TENM1: variants seen among roughly 807,000 people sequenced by gnomAD.
TENM1 encodes teneurin transmembrane protein 1.
In TENM1, 35 loss-of-function variants were observed where a neutral mutation model predicts 174.8. The observed-to-expected ratio is 0.20, with a 90% CI of 0.15 to 0.27. The LOEUF is 0.27. TENM1 is among the 10% of genes least tolerant of loss of function. The pLI, the probability that TENM1 is intolerant of heterozygous loss-of-function variation, is 1.00. For missense variants in TENM1, 1,633 were observed against 2,130.1 expected, an observed-to-expected ratio of 0.77 and a Z score of 4.59; for synonymous variants, 781 against 798.7, an observed-to-expected ratio of 0.98 and a Z score of 0.37.
At chrX:124,759,283 T>G (rs1328117942) in intron 3 of TENM1, among the ~76,000 whole-genome samples, 1 of 111,500 alleles carries the variant, frequency 9.0e-6, no homozygotes, top group Non-Finnish European at 1.9e-5. Flanking sequence ...ATTGTAGTGT[T>G]CTTAATAACG....
chrX:125,067,363 G>T, the TENM1 span, among the ~76,000 whole-genome samples: 1 of 110,947 alleles, frequency 9.0e-6, no homozygotes, highest in South Asian at 3.8e-4. Context: ...TGCTCAAATA[G>T]TTTTCACTTT....
the TENM1 span, among the ~76,000 whole-genome samples, chrX:124,998,820 G>A: frequency 9.0e-6 from 1 of 111,336 alleles, no homozygotes; most frequent in Non-Finnish European, 1.9e-5. Context: ...CAATGAATAA[G>A]GATCATCTTT....
At chrX:124,532,567 T>G (rs1035115004) in intron 15 of TENM1, among the ~76,000 whole-genome samples, 2 of 111,682 alleles carry the variant, frequency 1.8e-5, no homozygotes, top group Non-Finnish European at 1.9e-5. Flanking sequence ...TGATAATGAC[T>G]CATCAAAGTC....
At chrX:124,661,616 T>C (rs766401808) in intron 6 of TENM1, among the ~76,000 whole-genome samples, 1 of 112,085 alleles carries the variant, frequency 8.9e-6, no homozygotes, top group African/African-American at 3.2e-5. Context: ...GCAGGATGGC[T>C]GATTATAGCT....
At position 124,641,096 on chromosome X, in the gene TENM1, GA is replaced by G. The variant is rs761974607; in HGVS notation, c.2077+694del. Among the ~76,000 whole-genome samples, 41 of 111,341 alleles carry G rather than the reference GA, an allele frequency of 3.7e-4. No homozygotes were observed. In the East Asian group the frequency reaches 0.011, roughly 31 times the overall value. On this transcript the variant is annotated intron_variant, in intron 11 of 31. Coordinates refer to ENST00000422452, the Ensembl canonical transcript of TENM1. The stretch of plus-strand genomic sequence containing the variant: ...TGGAAGTACAATAGCATCTCATGAA[GA>G]GGAAAAGGCATGGAGAAAAGCATAA...
At chrX:124,536,488 A>G (rs1382434872) in intron 15 of TENM1, among the ~76,000 whole-genome samples, 1 of 110,828 alleles carries the variant, frequency 9.0e-6, no homozygotes, top group Non-Finnish European at 1.9e-5. Context: ...AAGCAGAATT[A>G]TTTTCCTCAT....
intron 16 of TENM1, among the ~76,000 whole-genome samples, chrX:124,528,743 G>A (rs1486526027): frequency 9.1e-6 from 1 of 110,286 alleles, no homozygotes; most frequent in Non-Finnish European, 1.9e-5. Flanking sequence ...GTTCTGCTGA[G>A]CTTGTTATAA....
At chrX:124,993,289 A>G in the TENM1 span, among the ~76,000 whole-genome samples, 1 of 111,342 alleles carries the variant, frequency 9.0e-6, no homozygotes, top group East Asian at 2.8e-4. Flanking sequence ...AGTATTTTAT[A>G]AGAATGAATT....
chrX:125,158,274 A>T, the TENM1 span, among the ~76,000 whole-genome samples: 1 of 108,183 alleles, frequency 9.2e-6, no homozygotes, highest in Non-Finnish European at 1.9e-5. Flanking sequence ...ATGGTGGTGC[A>T]TGCCTGTAGT....
At chrX:125,117,968 A>C in the TENM1 span, among the ~76,000 whole-genome samples, 1 of 111,821 alleles carries the variant, frequency 8.9e-6, no homozygotes, top group African/African-American at 3.2e-5. Flanking sequence ...AATTAACCTA[A>C]GTGTCCATCA....
intron 3 of TENM1, among the ~76,000 whole-genome samples, chrX:124,800,113 T>A (rs1382091173): frequency 8.9e-6 from 1 of 111,937 alleles, no homozygotes; most frequent in Non-Finnish European, 1.9e-5. Context: ...GATGCTGGCC[T>A]CATAAAATGA....
At chrX:124,638,165 T>C (rs1255782482) in intron 11 of TENM1, among the ~76,000 whole-genome samples, 1 of 110,945 alleles carries the variant, frequency 9.0e-6, no homozygotes, top group African/African-American at 3.3e-5. Flanking sequence ...GGGTACTTCA[T>C]CTGGAAGAGA....
At chrX:124,957,522 T>C (rs1334561858) in intron 1 of TENM1, among the ~76,000 whole-genome samples, 1 of 100,048 alleles carries the variant, frequency 1.0e-5, no homozygotes, top group East Asian at 3.1e-4. Flanking sequence ...AGGCGGAGTT[T>C]GCAGTGAGCC....
chrX:124,989,479 A>T, the TENM1 span, among the ~76,000 whole-genome samples: 1 of 111,363 alleles, frequency 9.0e-6, no homozygotes, highest in Non-Finnish European at 1.9e-5. Context: ...TCCTAATAAA[A>T]ATTACAGAAT....
chrX:124,998,265 T>C, the TENM1 span, among the ~76,000 whole-genome samples: 1 of 109,686 alleles, frequency 9.1e-6, no homozygotes, highest in Non-Finnish European at 1.9e-5. Context: ...TAATAGAATA[T>C]ATGCATTGAA....
At chrX:124,735,709 G>C (rs1414997661) in intron 4 of TENM1, among the ~76,000 whole-genome samples, 1 of 111,565 alleles carries the variant, frequency 9.0e-6, no homozygotes, top group Non-Finnish European at 1.9e-5. Flanking sequence ...TGAATAATTG[G>C]ATGAAGAAAA....
the TENM1 span, among the ~76,000 whole-genome samples, chrX:125,092,210 A>G: frequency 9.0e-6 from 1 of 111,225 alleles, no homozygotes; most frequent in African/African-American, 3.3e-5. Context: ...AGAATGTGAC[A>G]ACTCAAAGAA....
intron 23 of TENM1, among the ~76,000 whole-genome samples, chrX:124,423,479 C>T (rs1022020830): frequency 1.8e-5 from 2 of 111,286 alleles, no homozygotes; most frequent in Non-Finnish European, 3.8e-5. Flanking sequence ...ATAGTAGAGC[C>T]CTCAGAGGAA....
chrX:124,955,824 C>A (rs1219150260), intron 1 of TENM1, among the ~76,000 whole-genome samples: 1 of 109,950 alleles, frequency 9.1e-6, no homozygotes, highest in Non-Finnish European at 1.9e-5. Context: ...CACACACACA[C>A]ACAGACACCA....
Sources: allele counts gnomAD v4.1 joint callset (sites outside exome capture counted in the v4.1 genomes callset), GRCh38; gene constraint gnomAD v4.1.1; transcripts MANE v1.5; gene names NCBI Gene and HGNC (gene_info 2026-07-23, HGNC 2026-07-21).